Variants in MGAT4C observed in about 807,000 individuals in gnomAD.
The protein encoded by MGAT4C is alpha-1,3-mannosyl-glycoprotein 4-beta-N-acetylglucosaminyltransferase C.
Under a neutral mutation model 40.1 loss-of-function variants are expected in MGAT4C, and 19 were observed. The observed-to-expected ratio is 0.47, with a 90% CI of 0.33 to 0.70. MGAT4C has a LOEUF of 0.70. Ranked by LOEUF, MGAT4C falls within the 30% of genes least tolerant of loss-of-function variation. The pLI, the probability that MGAT4C is intolerant of heterozygous loss-of-function variation, is 0.02. For missense variants in MGAT4C, 491 were observed against 563.2 expected (o/e 0.87, Z 1.30); for synonymous variants, 181 against 187.1 (o/e 0.97, Z 0.27).
chr12:86,565,721 A>C (rs1960061732), intron 2 of MGAT4C, among the ~76,000 whole-genome samples: 1 of 152,214 alleles, frequency 6.6e-6, no homozygotes, highest in Admixed American at 6.5e-5. Context: ...AACTGTGAAG[A>C]CATTTGTATC....
chr12:86,373,930 C>T (rs966374551), intron 3 of MGAT4C, among the ~76,000 whole-genome samples: 3 of 152,006 alleles, frequency 2.0e-5, no homozygotes, highest in African/African-American at 7.2e-5. Flanking sequence ...CTGCTGTATA[C>T]AGCTGTAACT....
chr12:86,142,549 C>T (rs576850201), intron 1 of MGAT4C, among the ~76,000 whole-genome samples: 1 of 152,260 alleles, frequency 6.6e-6, no homozygotes, highest in South Asian at 2.1e-4. Flanking sequence ...CCTGCTTTCT[C>T]TCATTTTCAT....
rs913395554 is a variant in MGAT4C at position 85,962,408 on chromosome 12, A to G, written c.*16881T>C. The G allele has an allele frequency of 3.4e-5, 5 of 147,322 alleles. No homozygotes were observed. The highest frequency in any genetic ancestry group is 1.2e-4 in the African/African-American group (5 of 40,554). The allele number at this position is 147,322 out of a possible 1,614,324, so 9.1% of individuals were successfully genotyped here. On this transcript the variant is annotated 3_prime_UTR_variant, in exon 5 of 5. Coordinates refer to ENST00000611864, the MANE Select transcript of MGAT4C (RefSeq NM_001351288.2). Reference sequence around the variant, plus strand: ...ATGAAGTAAAATTATATAATTAATTATATAATTATATAATTATATAAAATT... The same window carrying G: ...ATGAAGTAAAATTATATAATTAATTGTATAATTATATAATTATATAAAATT...
In MGAT4C at chr12:86,400,627, G is replaced by A. The variant is rs572096557; in HGVS notation, c.-120+34530C>T. On this transcript the variant is annotated intron_variant, in intron 3 of 7. Coordinates refer to the MGAT4C transcript ENST00000548651. The stretch of plus-strand genomic sequence containing the variant: ...ACTGAGCTTTCATATAAACTTGAAT[G>A]TAAACATGAGAAAGTAACATCATGT... Among the ~76,000 whole-genome samples the A allele has an allele frequency of 3.9e-5, 6 of 152,272 alleles. No individual in the cohort carries two copies. The East Asian group carries it at 1.2e-3, about 29-fold the overall frequency.
chr12:86,581,569 G>T (rs904577035), intron 2 of MGAT4C, among the ~76,000 whole-genome samples: 1 of 151,400 alleles, frequency 6.6e-6, no homozygotes, highest in African/African-American at 2.4e-5. Context: ...ATAAGTGAGT[G>T]AGTAGTCTTG....
intron 2 of MGAT4C, among the ~76,000 whole-genome samples, chr12:86,475,289 T>C (rs1957815658): frequency 6.6e-6 from 1 of 151,984 alleles, no homozygotes; most frequent in Non-Finnish European, 1.5e-5. Context: ...GGATATAAAA[T>C]TCTATAAATA....
chr12:86,529,727 T>G (rs1958946833), intron 2 of MGAT4C, among the ~76,000 whole-genome samples: 1 of 151,954 alleles, frequency 6.6e-6, no homozygotes, highest in South Asian at 2.1e-4. Context: ...GGCTACAGAT[T>G]ATTATTATTT....
Position 86,493,126 on chromosome 12 carries a change from T to A in MGAT4C, c.-228-57861A>T, listed in dbSNP as rs1348034346. ...CATCTCACACAAGTTAGAATGGCGATCATTAAAAAGTCAGGAAACAACAGG... is the reference window on the plus strand; with the variant it reads ...CATCTCACACAAGTTAGAATGGCGAACATTAAAAAGTCAGGAAACAACAGG... On this transcript the variant is annotated intron_variant, in intron 2 of 7. Coordinates refer to the MGAT4C transcript ENST00000548651. Among the ~76,000 whole-genome samples the A allele has an allele frequency of 3.3e-5, 5 of 150,686 alleles. No individual in the cohort carries two copies. The East Asian group carries it at 5.8e-4, about 17-fold the overall frequency.
At chr12:86,132,291 T>A (rs1347090204) in intron 1 of MGAT4C, among the ~76,000 whole-genome samples, 1 of 152,228 alleles carries the variant, frequency 6.6e-6, no homozygotes, top group Non-Finnish European at 1.5e-5. Flanking sequence ...AGCAGTTACA[T>A]ACCAAGGAGA....
At chr12:86,441,193 T>C (rs1410955700) in intron 2 of MGAT4C, among the ~76,000 whole-genome samples, 1 of 152,060 alleles carries the variant, frequency 6.6e-6, no homozygotes, top group Non-Finnish European at 1.5e-5. Context: ...TCTGGAGGCA[T>C]GGCATTACCT....
intron 2 of MGAT4C, among the ~76,000 whole-genome samples, chr12:86,041,181 C>G (rs188153884): frequency 2.6e-5 from 4 of 151,954 alleles, no homozygotes; most frequent in Admixed American, 2.0e-4. Context: ...TCCCATTTAC[C>G]ATTTCTGATT....
chr12:86,479,930 C>A, intron 2 of MGAT4C, among the ~76,000 whole-genome samples: 1 of 151,898 alleles, frequency 6.6e-6, no homozygotes, highest in Non-Finnish European at 1.5e-5. Flanking sequence ...CTTTTTAATA[C>A]TTATTATTAT....
intron 1 of MGAT4C, among the ~76,000 whole-genome samples, chr12:86,774,708 G>C (rs1951723525): frequency 1.3e-5 from 2 of 151,862 alleles, no homozygotes; most frequent in African/African-American, 2.4e-5. Context: ...TACTATAAAA[G>C]ATTTTAATTT....
rs1883577852 is a variant in MGAT4C, at chr12:85,970,640, T to C, written c.*8649A>G. ...GTAAGAAATTTAGTAAAGTACTAAT[T>C]GAATTTAGTGATTAGACTGTGATTA... On this transcript the variant is annotated 3_prime_UTR_variant, in exon 5 of 5. Transcript: ENST00000611864. 6.6e-6 allele frequency: 1 copy of C among 151,340 alleles called. No homozygotes were observed. The highest frequency in any genetic ancestry group is 1.5e-5 in the Non-Finnish European group (1 of 67,410). The allele number at this position is 151,340 out of a possible 1,614,324, so 9.4% of individuals were successfully genotyped here.
chr12:86,238,231 A>G (rs11829372), intron 1 of MGAT4C, among the ~76,000 whole-genome samples: 7,222 of 152,088 alleles, frequency 0.047, 573 homozygotes, highest in African/African-American at 0.16. Context: ...AGTACATTGC[A>G]TAGTCAAGTA....
At chr12:86,489,999 G>C (rs1441352310) in intron 2 of MGAT4C, among the ~76,000 whole-genome samples, 2 of 152,164 alleles carry the variant, frequency 1.3e-5, no homozygotes, top group Non-Finnish European at 2.9e-5. Flanking sequence ...AAAACACTCT[G>C]CAGGATATCA....
intron 2 of MGAT4C, among the ~76,000 whole-genome samples, chr12:86,714,901 T>C (rs1428509061): frequency 2.6e-5 from 4 of 151,966 alleles, no homozygotes; most frequent in Admixed American, 1.3e-4. Flanking sequence ...ATTAAAACAA[T>C]AATAGCTATT....
At chr12:86,070,484 C>T (rs559375787) in intron 1 of MGAT4C, among the ~76,000 whole-genome samples, 2 of 152,090 alleles carry the variant, frequency 1.3e-5, no homozygotes, top group South Asian at 2.1e-4. Flanking sequence ...TTTTTGTGTA[C>T]ATTCAACCAA....
rs147699094 is a variant in MGAT4C at position 86,806,369 on chromosome 12, C to G, written c.-262+32297G>C. 7.0e-3 allele frequency among the ~76,000 whole-genome samples: 1,069 copies of G among 152,008 alleles called. 11 individuals carry two copies. The highest frequency in any genetic ancestry group is 0.024 in the African/African-American group (1,016 of 41,514). ...TGCAAACTATATTATAAAACAACAA[C>G]TAACATTGGTGTTTGTACAATTCAT... On this transcript the variant is annotated intron_variant, in intron 1 of 7. Transcript: ENST00000548651.
Sources: allele counts gnomAD v4.1 joint callset (sites outside exome capture counted in the v4.1 genomes callset), GRCh38; gene constraint gnomAD v4.1.1; transcripts MANE v1.5; gene names NCBI Gene and HGNC (gene_info 2026-07-23, HGNC 2026-07-21).